The following UTP20 variants were observed in gnomAD, a reference collection of about 807,000 sequenced individuals.
UTP20 encodes UTP20 small subunit processome component.
In UTP20, 164 loss-of-function variants were observed where a neutral mutation model predicts 329.5. The ratio of observed to expected loss-of-function variants is 0.50; its 90% CI spans 0.44 to 0.57. The LOEUF (loss-of-function observed/expected upper bound fraction) is 0.57. Ranked by LOEUF, UTP20 falls within the 20% of genes least tolerant of loss-of-function variation. The probability of loss-of-function intolerance (pLI) is 0.00; values close to 1 mark genes in which losing one functional copy is unlikely to be tolerated. For synonymous variants in UTP20, 1,151 were observed against 1,159.3 expected, an observed-to-expected ratio of 0.99 and a Z score of 0.14; for missense variants, 3,055 against 3,284.2, an observed-to-expected ratio of 0.93 and a Z score of 1.71.
At chr12:101,336,935 T>G (rs1868953055) in intron 29 of UTP20, among the ~76,000 whole-genome samples, 1 of 152,254 alleles carries the variant, frequency 6.6e-6, no homozygotes, top group African/African-American at 2.4e-5. Flanking sequence ...AATGGGCTCT[T>G]GCTAGGACTT....
chr12:101,338,766 C>T, intron 30 of UTP20, 47 bp from the exon 31 acceptor site: 1 of 1,507,426 alleles, frequency 6.6e-7, no homozygotes. Flanking sequence ...TACAATTATG[C>T]CTTAAGAGAG....
intron 10 of UTP20, 26 bp from the exon 11 acceptor site, chr12:101,293,142 A>G: frequency 6.2e-7 from 1 of 1,606,266 alleles, no homozygotes; most frequent in Non-Finnish European, 8.5e-7. Context: ...GTGTACTTAC[A>G]TTAATATTTT....
At chr12:101,376,556 A>G (rs1054650072) in intron 56 of UTP20, among the ~76,000 whole-genome samples, 12 of 152,282 alleles carry the variant, frequency 7.9e-5, no homozygotes, top group African/African-American at 2.9e-4. Context: ...AACACAGCCA[A>G]AAATAGAAAG....
chr12:101,352,808 T>C (rs553625394), intron 39 of UTP20, among the ~76,000 whole-genome samples: 1 of 151,606 alleles, frequency 6.6e-6, no homozygotes, highest in African/African-American at 2.4e-5. Context: ...ACTTAAAGTA[T>C]AATAATAAAT....
intron 51 of UTP20, among the ~76,000 whole-genome samples, chr12:101,372,473 GTTA>G (rs563767980): frequency 1.3e-5 from 2 of 151,430 alleles, no homozygotes; most frequent in Non-Finnish European, 2.9e-5. Context: ...AAATGCATTA[GTTA>G]TTATTATCAG....
chr12:101,281,610 A>C (rs1871799678), intron 2 of UTP20, among the ~76,000 whole-genome samples: 3 of 152,136 alleles, frequency 2.0e-5, no homozygotes, highest in Admixed American at 2.0e-4. Flanking sequence ...CCCGGGGCTT[A>C]ATTTTCTCCT....
intron 32 of UTP20, among the ~76,000 whole-genome samples, chr12:101,341,288 A>G (rs1869125753): frequency 1.3e-5 from 2 of 149,598 alleles, no homozygotes; most frequent in Admixed American, 1.3e-4. Context: ...TCATTATATA[A>G]TCTTAATTGT....
At chr12:101,381,874 C>T (rs1238059126) in intron 58 of UTP20, among the ~76,000 whole-genome samples, 5 of 151,864 alleles carry the variant, frequency 3.3e-5, no homozygotes, top group African/African-American at 1.2e-4. Flanking sequence ...CAAAAATTAG[C>T]TGGGCATGGT....
chr12:101,362,212 G>A, intron 44 of UTP20, 152 bp downstream of exon 44: 1 of 577,378 alleles, frequency 1.7e-6, no homozygotes, highest in South Asian at 2.1e-5. Flanking sequence ...AAAGAGCTAA[G>A]ACTAAAGCGA....
intron 28 of UTP20, 37 bp from the exon 29 acceptor site, chr12:101,334,388 A>G (rs2002895): frequency 0.32 from 502,766 of 1,556,524 alleles, 100,712 homozygotes; most frequent in East Asian, 0.93. Flanking sequence ...AATTTGGTAT[A>G]TGTATTTGGT....
rs1197180821 is a variant in UTP20 at position 101,382,960 on chromosome 12, A to G, written c.7657-81A>G. ...TTTGTTTTCTAATTGTAGAATACCT[A>G]TTTTAGCTTATGCTCTACTAAGCCT... On this transcript the variant is annotated intron_variant, in intron 58 of 61. Coordinates refer to ENST00000261637, the MANE Select transcript of UTP20 (RefSeq NM_014503.3). 6.7e-6 allele frequency: 10 copies of G among 1,494,858 alleles called. No individual in the cohort carries two copies. The East Asian group carries it at 1.8e-4, about 27-fold the overall frequency. 92.6% of individuals were successfully genotyped at this position (1,494,858 alleles called of 1,614,324 possible). A position where few individuals can be genotyped will look rare whatever the true frequency, so the allele number is the denominator to read the frequency against.
rs762833409 is a variant in UTP20, at chr12:101,344,715, G to C, written c.4570G>C (p.Glu1524Gln). 6.2e-7 allele frequency: 1 copy of C among 1,613,780 alleles called. No homozygotes were observed. The highest frequency in any genetic ancestry group is 8.5e-7 in the Non-Finnish European group (1 of 1,179,872). ...AGAAATCATCCACCGTTCACTCCTG[G>C]AGAAATTGAGAAAAGGTCTGAAGAG... ...YREIIHRSLL[E>Q]KLRKGLKSQT... Residue 1524 changes from glutamate (E) to glutamine (Q), a missense_variant, in exon 36 of 62, where the codon GAG becomes CAG. Glu to Gln is a conservative substitution (Grantham distance 29). Coordinates refer to ENST00000261637, the MANE Select transcript of UTP20 (RefSeq NM_014503.3).
intron 44 of UTP20, among the ~76,000 whole-genome samples, chr12:101,362,364 T>C (rs779003290): frequency 6.6e-6 from 1 of 152,212 alleles, no homozygotes; most frequent in African/African-American, 2.4e-5. Context: ...AAATAAGTTA[T>C]GTTCACAGGA....
At chr12:101,318,831 G>A (rs1254086056) in intron 22 of UTP20, among the ~76,000 whole-genome samples, 197 of 97,592 alleles carry the variant, frequency 2.0e-3, no homozygotes, top group Admixed American at 2.2e-3. Flanking sequence ...ACTCCATCTT[G>A]AAAAAAAAAA....
At chr12:101,295,147 C>A (rs891072175) in intron 11 of UTP20, among the ~76,000 whole-genome samples, 3 of 152,062 alleles carry the variant, frequency 2.0e-5, no homozygotes, top group Non-Finnish European at 4.4e-5. Context: ...AGTTTAGTCT[C>A]TAATTTTGGT....
intron 38 of UTP20, among the ~76,000 whole-genome samples, chr12:101,350,105 A>T (rs1207072941): frequency 1.3e-5 from 2 of 151,670 alleles, no homozygotes; most frequent in Non-Finnish European, 2.9e-5. Context: ...CACTTCTTTT[A>T]TTTTTCTAAA....
chr12:101,364,279 AT>A (rs1870024749), intron 45 of UTP20, among the ~76,000 whole-genome samples: 2 of 152,166 alleles, frequency 1.3e-5, no homozygotes, highest in African/African-American at 4.8e-5. Flanking sequence ...AAAGAAATTC[AT>A]TTTAGTTAGG....
At chr12:101,374,018 G>T in intron 54 of UTP20, among the ~76,000 whole-genome samples, 1 of 151,832 alleles carries the variant, frequency 6.6e-6, no homozygotes, top group Non-Finnish European at 1.5e-5. Context: ...GGCGGATCAC[G>T]AGGTCAGGAG....
At chr12:101,305,079 G>A (rs894158821) in intron 15 of UTP20, among the ~76,000 whole-genome samples, 10 of 151,766 alleles carry the variant, frequency 6.6e-5, no homozygotes, top group South Asian at 2.1e-4. Flanking sequence ...CCTCCACACC[G>A]TCTCCCCACA....
Sources: gnomAD v4.1 joint callset for allele counts (sites outside exome capture counted in the v4.1 genomes callset) on GRCh38, gnomAD v4.1.1 for gene constraint, MANE v1.5 for transcripts, NCBI Gene and HGNC (gene_info 2026-07-23, HGNC 2026-07-21) for gene names.